OSBPL1A: variants seen among roughly 807,000 people sequenced by gnomAD.
OSBPL1A encodes oxysterol-binding protein-related protein 1.
OSBPL1A carries 80 observed loss-of-function variants against 137.1 expected under a neutral mutation model. The observed-to-expected ratio is 0.58, with a 90% CI of 0.49 to 0.70. OSBPL1A has a LOEUF of 0.70. Ranked by LOEUF, OSBPL1A falls within the 30% of genes least tolerant of loss-of-function variation. OSBPL1A has a pLI of 0.00. For synonymous variants in OSBPL1A, 365 were observed against 389.7 expected (o/e 0.94, Z 0.75); for missense variants, 970 against 1,129.4 (o/e 0.86, Z 2.02).
chr18:24,204,879 A>G (rs975027064), intron 17 of OSBPL1A, among the ~76,000 whole-genome samples: 7 of 152,166 alleles, frequency 4.6e-5, no homozygotes, highest in African/African-American at 1.7e-4. Context: ...TCGGTTCAAA[A>G]GACCCTTGAT....
chr18:24,215,974 G>C (rs1186070323), intron 17 of OSBPL1A, among the ~76,000 whole-genome samples: 2 of 152,160 alleles, frequency 1.3e-5, no homozygotes, highest in Non-Finnish European at 2.9e-5. Context: ...ACATCCTGGG[G>C]ATTATAAGTG....
Position 24,171,302 on chromosome 18 carries a change from G to A in OSBPL1A, c.2291+107C>T, listed in dbSNP as rs965860047. ...CCACCTCAGCCTCCCAAAGTGCTGG[G>A]ATTATAGGTGTGAGCCACTGTGCCC... On this transcript the variant is annotated intron_variant, in intron 23 of 27. Coordinates refer to ENST00000319481, the MANE Select transcript of OSBPL1A (RefSeq NM_080597.4). 5 of 820,210 alleles carry A rather than the reference G, an allele frequency of 6.1e-6. No individual in the cohort carries two copies. In the African/African-American group the frequency reaches 8.7e-5, roughly 14 times the overall value. The allele number at this position is 820,210 out of a possible 1,614,324, so 50.8% of individuals were successfully genotyped here. A position where few individuals can be genotyped will look rare whatever the true frequency, so the allele number is the denominator to read the frequency against.
At chr18:24,350,079 C>T (rs938676902) in intron 4 of OSBPL1A, among the ~76,000 whole-genome samples, 2 of 152,152 alleles carry the variant, frequency 1.3e-5, no homozygotes, top group Non-Finnish European at 2.9e-5. Context: ...GGCATATGGC[C>T]ACCAAGAATA....
intron 1 of OSBPL1A, among the ~76,000 whole-genome samples, chr18:24,389,615 C>G (rs2144279115): frequency 6.6e-6 from 1 of 152,246 alleles, no homozygotes; most frequent in East Asian, 1.9e-4. Flanking sequence ...ATTTGAACTG[C>G]TTGCTACTTT....
intron 14 of OSBPL1A, among the ~76,000 whole-genome samples, chr18:24,291,741 C>T (rs931688280): frequency 6.8e-6 from 1 of 147,538 alleles, no homozygotes; most frequent in African/African-American, 2.5e-5. Context: ...AAAATCTTTG[C>T]AGTAACAAAA....
chr18:24,323,178 G>A (rs1236432572), intron 7 of OSBPL1A, among the ~76,000 whole-genome samples: 1 of 152,002 alleles, frequency 6.6e-6, no homozygotes, highest in Non-Finnish European at 1.5e-5. Flanking sequence ...ACCATTAAAA[G>A]TGCAATACTA....
chr18:24,268,294 T>G (rs1349041544), intron 15 of OSBPL1A, among the ~76,000 whole-genome samples: 2 of 152,010 alleles, frequency 1.3e-5, no homozygotes, highest in African/African-American at 4.8e-5. Flanking sequence ...TTTTTATATT[T>G]TTTTTGGGAG....
intron 21 of OSBPL1A, among the ~76,000 whole-genome samples, chr18:24,174,644 C>T (rs866400010): frequency 6.6e-6 from 1 of 152,206 alleles, no homozygotes; most frequent in South Asian, 2.1e-4. Context: ...TCAATGTTTA[C>T]AATTATTTTG....
chr18:24,249,379 C>T (rs1289441188), intron 15 of OSBPL1A, among the ~76,000 whole-genome samples: 2 of 152,178 alleles, frequency 1.3e-5, no homozygotes, highest in Non-Finnish European at 2.9e-5. Context: ...TAGAAGCTTA[C>T]ATCCTTTGTA....
intron 4 of OSBPL1A, among the ~76,000 whole-genome samples, chr18:24,356,460 T>C (rs1201865968): frequency 6.6e-6 from 1 of 151,980 alleles, no homozygotes; most frequent in Non-Finnish European, 1.5e-5. Flanking sequence ...CAAAATGTCA[T>C]GAGGCCCCTG....
intron 15 of OSBPL1A, among the ~76,000 whole-genome samples, chr18:24,258,094 C>T (rs1476683191): frequency 3.9e-5 from 6 of 152,210 alleles, no homozygotes; most frequent in African/African-American, 7.2e-5. Flanking sequence ...CTACCCCATA[C>T]GACCCAGCAA....
chr18:24,273,547 C>T (rs889724437), intron 15 of OSBPL1A, among the ~76,000 whole-genome samples: 1 of 152,184 alleles, frequency 6.6e-6, no homozygotes, highest in East Asian at 1.9e-4. Flanking sequence ...TGTTCAAGGT[C>T]GAGGTAGCAG....
intron 2 of OSBPL1A, among the ~76,000 whole-genome samples, chr18:24,374,689 G>C (rs2146201982): frequency 1.3e-5 from 2 of 152,306 alleles, no homozygotes; most frequent in South Asian, 4.2e-4. Flanking sequence ...CATTGAACCA[G>C]CAAGCCTAGG....
At position 24,225,188 on chromosome 18, in the gene OSBPL1A, G is replaced by C. The variant is rs1347683374; in HGVS notation, c.1455C>G (p.Ser485=). 1 of 1,613,826 alleles carries C rather than the reference G, an allele frequency of 6.2e-7. No homozygotes were observed. The highest frequency in any genetic ancestry group is 1.1e-5 in the South Asian group (1 of 91,062). ...CTTCCAATCTACTCAGGGACCTTTC[G>C]GACTCGGAATCTGTGGCAGAGCAGG... ...EFYDALSDSE[S]ERSLSRLEAV... is the part of the protein sequence containing the mutation. Residue 485 remains serine (S), a synonymous_variant, in exon 17 of 28, where the codon TCC becomes TCG. Coordinates refer to ENST00000319481, the MANE Select transcript of OSBPL1A (RefSeq NM_080597.4).
intron 17 of OSBPL1A, among the ~76,000 whole-genome samples, chr18:24,205,121 A>G (rs1393082856): frequency 1.3e-5 from 2 of 152,206 alleles, no homozygotes; most frequent in Non-Finnish European, 2.9e-5. Context: ...TAATCTTATT[A>G]AGCACTGGTA....
At chr18:24,293,303 C>A (rs2851976) in intron 14 of OSBPL1A, among the ~76,000 whole-genome samples, 1 of 152,008 alleles carries the variant, frequency 6.6e-6, no homozygotes, top group South Asian at 2.1e-4. Context: ...GAGCTGGAGT[C>A]TAGATCAGGC....
intron 16 of OSBPL1A, among the ~76,000 whole-genome samples, chr18:24,235,886 C>A (rs561176147): frequency 3.3e-5 from 5 of 152,302 alleles, no homozygotes; most frequent in African/African-American, 1.2e-4. Flanking sequence ...GGAGATTATA[C>A]TGGATCATCT....
rs80193998 is a variant in OSBPL1A at position 24,349,729 on chromosome 18, G to GA, written c.283-8072dup. The stretch of plus-strand genomic sequence containing the variant: ...GAGTGATCCCTTGCAAAAGAAAAAA[G>GA]AAAAAAAAAAAAACAACAACAGTGA... On this transcript the variant is annotated intron_variant, in intron 4 of 27. Coordinates refer to ENST00000319481, the MANE Select transcript of OSBPL1A (RefSeq NM_080597.4). 7.1e-3 allele frequency among the ~76,000 whole-genome samples: 468 copies of GA among 65,744 alleles called. 1 individual carries two copies. Among genetic ancestry groups the GA allele is most frequent in the African/African-American group, 0.021 (311 of 15,140 alleles). 43.1% of individuals were successfully genotyped at this position (65,744 alleles called of 152,430 possible).
chr18:24,296,050 G>C (rs72884900), intron 14 of OSBPL1A, among the ~76,000 whole-genome samples: 4 of 151,972 alleles, frequency 2.6e-5, no homozygotes, highest in Admixed American at 6.6e-5. Flanking sequence ...AAATTGTGAT[G>C]GTATTTTGAT....
Sources: allele counts gnomAD v4.1 joint callset (sites outside exome capture counted in the v4.1 genomes callset), GRCh38; gene constraint gnomAD v4.1.1; transcripts MANE v1.5; gene names NCBI Gene and HGNC (gene_info 2026-07-23, HGNC 2026-07-21).